The following KCNMA1 variants were observed in gnomAD, a reference collection of about 807,000 sequenced individuals.
KCNMA1 encodes potassium calcium-activated channel subfamily M alpha 1, also known as Calcium-activated potassium channel subunit alpha-1.
In KCNMA1, 29 loss-of-function variants were observed where a neutral mutation model predicts 140.0. The observed-to-expected ratio is 0.21, with a 90% CI of 0.15 to 0.28. The LOEUF is 0.28. Ranked by LOEUF, KCNMA1 falls within the 10% of genes least tolerant of loss-of-function variation. KCNMA1 has a pLI of 1.00. For synonymous variants in KCNMA1, 612 were observed against 611.9 expected (o/e 1.00, Z 0.00); for missense variants, 880 against 1,602.2 (o/e 0.55, Z 7.70).
rs1005956571 is a variant in KCNMA1, at chr10:77,012,499, G to A, written c.2016-456C>T. On this transcript the variant is annotated intron_variant, in intron 17 of 27. Coordinates refer to ENST00000286628, the MANE Select transcript of KCNMA1 (RefSeq NM_001161352.2). ...TTTCTCAGTCAAATAAAAATATCAA[G>A]CTTGTCACTCTGAAAGCACCTTTTC... 2.6e-6 allele frequency: 4 copies of A among 1,550,156 alleles called. No individual in the cohort carries two copies. In the Admixed American group the frequency reaches 7.8e-5, roughly 30 times the overall value.
At chr10:77,395,568 G>A (rs567228518) in intron 2 of KCNMA1, among the ~76,000 whole-genome samples, 4 of 152,310 alleles carry the variant, frequency 2.6e-5, no homozygotes, top group African/African-American at 4.8e-5. Flanking sequence ...GAGCCTTTCC[G>A]CTTTCTGACT....
At chr10:77,290,070 C>T (rs929469594) in intron 2 of KCNMA1, among the ~76,000 whole-genome samples, 4 of 152,162 alleles carry the variant, frequency 2.6e-5, no homozygotes, top group Non-Finnish European at 5.9e-5. Context: ...GGCACAGTTC[C>T]ACTGATTATA....
intron 14 of KCNMA1, among the ~76,000 whole-genome samples, chr10:77,048,919 C>T (rs566993818): frequency 6.6e-6 from 1 of 152,054 alleles, no homozygotes; most frequent in Admixed American, 6.6e-5. Flanking sequence ...TGCCACCACG[C>T]CCGGTTAATT....
At chr10:77,513,351 A>G (rs774161953) in intron 1 of KCNMA1, among the ~76,000 whole-genome samples, 1 of 152,158 alleles carries the variant, frequency 6.6e-6, no homozygotes, top group Non-Finnish European at 1.5e-5. Flanking sequence ...AACCCTCAGC[A>G]TCATCTCACG....
At position 77,410,234 on chromosome 10, in the gene KCNMA1, C is replaced by T. The variant is rs146368289; in HGVS notation, c.379-6211G>A. Among the ~76,000 whole-genome samples the T allele has an allele frequency of 9.8e-4, 149 of 152,328 alleles. 1 individual carries two copies. The highest frequency in any genetic ancestry group is 3.4e-3 in the African/African-American group (142 of 41,582). On this transcript the variant is annotated intron_variant, in intron 1 of 27. Coordinates refer to ENST00000286628, the MANE Select transcript of KCNMA1 (RefSeq NM_001161352.2). ...GGTGACCTGTCATGCTGGGCACACC[C>T]TCCCTGACAGGGTGAGCTGCTGCCA...
chr10:77,439,160 A>AAAAG lies in KCNMA1; in HGVS notation c.379-35138_379-35137insCTTT, dbSNP rs1217303583. ...GAGAAGAGAAGAGAAAAGAGAAGAG[A>AAAAG]AGAAAAGAAAAGAGAAGAGAAGATT... On this transcript the variant is annotated intron_variant, in intron 1 of 27. Coordinates refer to ENST00000286628, the MANE Select transcript of KCNMA1 (RefSeq NM_001161352.2). Among the ~76,000 whole-genome samples, 180 of 136,768 alleles carry AAAAG rather than the reference A, an allele frequency of 1.3e-3. 1 individual carries two copies. The highest frequency in any genetic ancestry group is 7.7e-3 in the Middle Eastern group (2 of 260). The allele number at this position is 136,768 out of a possible 152,430, so 89.7% of individuals were successfully genotyped here. A position where few individuals can be genotyped will look rare whatever the true frequency, so the allele number is the denominator to read the frequency against.
intron 25 of KCNMA1, among the ~76,000 whole-genome samples, chr10:76,907,727 GAC>G (rs893773878): frequency 6.6e-6 from 1 of 152,022 alleles, no homozygotes; most frequent in African/African-American, 2.4e-5. Flanking sequence ...TTTTAGTAGA[GAC>G]AGGGTTTTGC....
At chr10:77,135,108 C>A (rs2097975989) in intron 5 of KCNMA1, among the ~76,000 whole-genome samples, 1 of 146,788 alleles carries the variant, frequency 6.8e-6, no homozygotes, top group South Asian at 2.3e-4. Flanking sequence ...CTGATAAGGG[C>A]TTAATATTCA....
intron 21 of KCNMA1, among the ~76,000 whole-genome samples, chr10:76,949,953 C>A (rs1408154856): frequency 6.6e-6 from 1 of 152,088 alleles, no homozygotes; most frequent in East Asian, 1.9e-4. Flanking sequence ...CCACTACATT[C>A]TTTTGTATGT....
chr10:77,462,884 T>C (rs1476293782), intron 1 of KCNMA1, among the ~76,000 whole-genome samples: 2 of 152,132 alleles, frequency 1.3e-5, no homozygotes, highest in African/African-American at 2.4e-5. Flanking sequence ...CATCCCAGCT[T>C]GGGAAACAGC....
intron 20 of KCNMA1, among the ~76,000 whole-genome samples, chr10:76,969,264 G>GAGGGAGGGAGGGGGAAGAAGGGA: frequency 7.8e-5 from 5 of 64,100 alleles, no homozygotes; most frequent in Non-Finnish European, 1.3e-4. Context: ...AGGAGGAAGG[G>GAGGGAGGGAGGGGGAAGAAGGGA]AGGGAGGGAG....
chr10:77,044,052 G>T (rs1454649451), intron 14 of KCNMA1, among the ~76,000 whole-genome samples: 1 of 152,128 alleles, frequency 6.6e-6, no homozygotes, highest in Non-Finnish European at 1.5e-5. Flanking sequence ...ATAAGAGCAG[G>T]AGAATCAGTA....
At chr10:77,341,956 C>T (rs1392970035) in intron 2 of KCNMA1, among the ~76,000 whole-genome samples, 3 of 152,116 alleles carry the variant, frequency 2.0e-5, no homozygotes, top group Non-Finnish European at 4.4e-5. Context: ...ATGGACAGAC[C>T]CCTCTGGCTC....
At chr10:77,385,932 G>C (rs1291952251) in intron 2 of KCNMA1, among the ~76,000 whole-genome samples, 1 of 152,204 alleles carries the variant, frequency 6.6e-6, no homozygotes, top group Admixed American at 6.5e-5. Flanking sequence ...GCTATAATGA[G>C]TGAAGGAAGG....
intron 1 of KCNMA1, among the ~76,000 whole-genome samples, chr10:77,545,731 G>A (rs1603634896): frequency 6.6e-6 from 1 of 152,338 alleles, no homozygotes; most frequent in East Asian, 1.9e-4. Context: ...ACAGAGGGTA[G>A]CAAGCCTCCA....
intron 1 of KCNMA1, among the ~76,000 whole-genome samples, chr10:77,540,889 CA>C (rs2060021376): frequency 6.6e-6 from 1 of 151,896 alleles, no homozygotes; most frequent in Admixed American, 6.6e-5. Context: ...CCTGTAATCC[CA>C]ACTACTCAGG....
At chr10:77,433,899 G>C (rs2097202032) in intron 1 of KCNMA1, 2 of 152,192 alleles carry the variant, frequency 1.3e-5, no homozygotes, top group African/African-American at 4.8e-5. Flanking sequence ...CCAAGGGACT[G>C]TATCATAATA....
At chr10:77,367,965 T>C (rs952815780) in intron 2 of KCNMA1, among the ~76,000 whole-genome samples, 4 of 152,244 alleles carry the variant, frequency 2.6e-5, no homozygotes, top group Non-Finnish European at 5.9e-5. Flanking sequence ...AGATTCTTCC[T>C]AGTTTTGGGT....
At chr10:77,418,238 G>T (rs1230754633) in intron 1 of KCNMA1, among the ~76,000 whole-genome samples, 1 of 152,154 alleles carries the variant, frequency 6.6e-6, no homozygotes, top group Non-Finnish European at 1.5e-5. Flanking sequence ...GGGAGTTAAG[G>T]ATGGCAAGCG....
Sources: gnomAD v4.1 joint callset for allele counts (sites outside exome capture counted in the v4.1 genomes callset) on GRCh38, gnomAD v4.1.1 for gene constraint, MANE v1.5 for transcripts, NCBI Gene and HGNC (gene_info 2026-07-23, HGNC 2026-07-21) for gene names.